AP1S2: variants seen among roughly 807,000 people sequenced by gnomAD.
The protein encoded by AP1S2 is AP-1 complex subunit sigma-2.
In AP1S2, 1 loss-of-function variant was observed where a neutral mutation model predicts 14.3. The observed-to-expected ratio is 0.07, with a 90% CI of 0.02 to 0.33. The LOEUF (loss-of-function observed/expected upper bound fraction) is 0.33, where lower values mean the gene tolerates loss of function less well. Among genes scored for constraint, AP1S2 ranks in the 10% least tolerant of loss-of-function variants. AP1S2 has a pLI of 0.99. For missense variants in AP1S2, 30 were observed against 117.7 expected (o/e 0.25, Z 3.45); for synonymous variants, 30 against 40.5 (o/e 0.74, Z 0.99).
intron 4 of AP1S2, among the ~76,000 whole-genome samples, chrX:15,843,476 G>T (rs1341348174): frequency 9.0e-6 from 1 of 111,342 alleles, no homozygotes; most frequent in Non-Finnish European, 1.9e-5. Flanking sequence ...AATCGCTTGA[G>T]CCCGGGAGGC....
intron 4 of AP1S2, among the ~76,000 whole-genome samples, chrX:15,842,505 T>C (rs1384386735): frequency 7.1e-5 from 8 of 112,108 alleles, no homozygotes; most frequent in African/African-American, 2.3e-4. Flanking sequence ...GACTGCTAAA[T>C]AGACAATGTC....
At chrX:15,838,132 G>A (rs181964422) in intron 4 of AP1S2, among the ~76,000 whole-genome samples, 22 of 111,297 alleles carry the variant, frequency 2.0e-4, no homozygotes, top group Admixed American at 2.9e-4. Flanking sequence ...AGATAATTCC[G>A]CGTTCTAAGG....
rs760479987 is a variant in AP1S2 at position 15,827,707 on chromosome X, T to C, written c.436-335A>G. Among the ~76,000 whole-genome samples, 4 of 112,020 alleles carry C rather than the reference T, an allele frequency of 3.6e-5. No homozygotes were observed. In the South Asian group the frequency reaches 1.5e-3, roughly 42 times the overall value. Reference sequence around the variant, plus strand: ...CTCAATTATATATATGAAAGATAAGTTATCTTAGTGGTAAAATTCAAAACC... The same window carrying C: ...CTCAATTATATATATGAAAGATAAGCTATCTTAGTGGTAAAATTCAAAACC... On this transcript the variant is annotated intron_variant, in intron 5 of 5. Coordinates refer to ENST00000672987, the MANE Select transcript of AP1S2 (RefSeq NM_001272071.2).
rs1270842709 is a variant in AP1S2, at chrX:15,826,435, C to T, written c.*890G>A. The T allele has an allele frequency of 8.9e-6, 1 of 111,996 alleles. No homozygotes were observed. The highest frequency in any genetic ancestry group is 1.9e-5 in the Non-Finnish European group (1 of 53,157). 9.2% of individuals were successfully genotyped at this position (111,996 alleles called of 1,213,427 possible). Reference sequence around the variant, plus strand: ...GTGGAGGGAAGCAAAATAAATTTAGCTTTAACAAGTACCCCAGAGGGAACA... The same window carrying T: ...GTGGAGGGAAGCAAAATAAATTTAGTTTTAACAAGTACCCCAGAGGGAACA... On this transcript the variant is annotated 3_prime_UTR_variant, in exon 6 of 6. Transcript: ENST00000672987.
chrX:15,836,221 A>G (rs1332390338), intron 4 of AP1S2, among the ~76,000 whole-genome samples: 1 of 112,180 alleles, frequency 8.9e-6, no homozygotes, highest in African/African-American at 3.2e-5. Flanking sequence ...AAATGTATGT[A>G]CACATTTAGT....
rs1933247533 is a variant in AP1S2, at chrX:15,825,984, A to G, written c.*1341T>C. 1 of 112,148 alleles carries G rather than the reference A, an allele frequency of 8.9e-6. No homozygotes were observed. Among genetic ancestry groups the G allele is most frequent in the Non-Finnish European group, 1.9e-5 (1 of 53,303 alleles). 9.2% of individuals were successfully genotyped at this position (112,148 alleles called of 1,213,427 possible). On this transcript the variant is annotated 3_prime_UTR_variant, in exon 6 of 6. Coordinates refer to ENST00000672987, the MANE Select transcript of AP1S2 (RefSeq NM_001272071.2). ...AATGGAGGGGAATTTTCAACATTTTACTGAAAAAAAAATGAGAAATTCTTC... is the reference window on the plus strand; with the variant it reads ...AATGGAGGGGAATTTTCAACATTTTGCTGAAAAAAAAATGAGAAATTCTTC...
At chrX:15,847,240 T>G (rs1266807761) in intron 2 of AP1S2, among the ~76,000 whole-genome samples, 1 of 111,314 alleles carries the variant, frequency 9.0e-6, no homozygotes, top group African/African-American at 3.3e-5. Context: ...CAGCATTAAT[T>G]TCATTATTAA....
At chrX:15,831,204 A>G (rs1933425728) in intron 4 of AP1S2, 1 of 720,542 alleles carries the variant, frequency 1.4e-6, no homozygotes, top group African/African-American at 2.3e-5. Context: ...TTCCTCTTAT[A>G]AGATAAATCA....
At chrX:15,852,647 C>T (rs1263815064) in intron 1 of AP1S2, 123 bp from the exon 2 acceptor site, 22 of 708,902 alleles carry the variant, frequency 3.1e-5, no homozygotes, top group Non-Finnish European at 4.4e-5. Flanking sequence ...TAGTAGCCAT[C>T]AATATTTCTA....
chrX:15,837,545 G>A (rs1235071373), intron 4 of AP1S2, among the ~76,000 whole-genome samples: 2 of 109,279 alleles, frequency 1.8e-5, no homozygotes, highest in African/African-American at 3.3e-5. Context: ...GTCAACCATA[G>A]ATTATCTCCC....
chrX:15,830,866 A>C (rs1356483514), intron 4 of AP1S2: 1 of 745,690 alleles, frequency 1.3e-6, no homozygotes, highest in East Asian at 1.5e-4. Flanking sequence ...TAAGTTCTTA[A>C]AGGGATTGTT....
chrX:15,828,597 TAA>T (rs1027708178), intron 4 of AP1S2, among the ~76,000 whole-genome samples: 12 of 111,301 alleles, frequency 1.1e-4, no homozygotes, highest in African/African-American at 3.6e-4. Flanking sequence ...GGTATTTTTT[TAA>T]AAAGAGTCTA....
At chrX:15,833,209 G>A (rs1326336330) in intron 4 of AP1S2, 8 of 751,797 alleles carry the variant, frequency 1.1e-5, no homozygotes, top group Non-Finnish European at 1.1e-5. Flanking sequence ...CATTAAAAGA[G>A]AAGAGGTGGT....
chrX:15,848,130 A>C (rs1161706387), intron 2 of AP1S2, among the ~76,000 whole-genome samples: 2 of 111,985 alleles, frequency 1.8e-5, no homozygotes, highest in African/African-American at 6.5e-5. Flanking sequence ...GGAATGGAAA[A>C]AGAATAATCA....
intron 4 of AP1S2, chrX:15,833,211 A>G (rs1933489465): frequency 1.3e-6 from 1 of 752,830 alleles, no homozygotes; most frequent in African/African-American, 2.3e-5. Flanking sequence ...TTAAAAGAGA[A>G]GAGGTGGTTT....
chrX:15,834,802 T>G (rs1933581201), intron 4 of AP1S2, among the ~76,000 whole-genome samples: 1 of 108,313 alleles, frequency 9.2e-6, no homozygotes, highest in Admixed American at 1.0e-4. Context: ...CTTTTTCTTT[T>G]ATTCTATTCC....
intron 4 of AP1S2, among the ~76,000 whole-genome samples, chrX:15,844,050 C>T (rs1933922515): frequency 8.9e-6 from 1 of 111,871 alleles, no homozygotes; most frequent in Non-Finnish European, 1.9e-5. Context: ...GCACCTTAAC[C>T]ACTCTTCTGA....
intron 2 of AP1S2, among the ~76,000 whole-genome samples, chrX:15,849,347 G>A (rs1165439571): frequency 8.9e-6 from 1 of 112,542 alleles, no homozygotes. Context: ...TTTCTCAGGC[G>A]CTAAGCAGTA....
chrX:15,849,481 G>A (rs1934102314), intron 2 of AP1S2, among the ~76,000 whole-genome samples: 1 of 112,341 alleles, frequency 8.9e-6, no homozygotes, highest in South Asian at 3.7e-4. Flanking sequence ...AATGGAAGGG[G>A]GAACGTATAG....
Sources: allele counts gnomAD v4.1 joint callset (sites outside exome capture counted in the v4.1 genomes callset), GRCh38; gene constraint gnomAD v4.1.1; transcripts MANE v1.5; gene names NCBI Gene and HGNC (gene_info 2026-07-23, HGNC 2026-07-21).